The following APH1B variants were observed in gnomAD, a reference collection of about 807,000 sequenced individuals.
APH1B encodes gamma-secretase subunit APH-1B.
Under a neutral mutation model 28.2 loss-of-function variants are expected in APH1B, and 27 were observed. The observed-to-expected ratio is 0.96, with a 90% CI of 0.70 to 1.32. The LOEUF is 1.32. APH1B is among the 40% of genes most tolerant of loss of function. APH1B has a pLI of 0.00. For synonymous variants in APH1B, 141 were observed against 124.6 expected (o/e 1.13, Z -0.88); for missense variants, 305 against 313.6 (o/e 0.97, Z 0.21).
Position 63,302,335 on chromosome 15 carries a change from T to C in APH1B, c.479-10T>C. Reference sequence around the variant, plus strand: ...TGTAGGAGTGACACTAATGGTCGGCTCTCTTTCAGCTTTCATGACGCTGGT... The same window carrying C: ...TGTAGGAGTGACACTAATGGTCGGCCCTCTTTCAGCTTTCATGACGCTGGT... On this transcript the variant is annotated splice_polypyrimidine_tract_variant and intron_variant, in intron 4 of 5. Coordinates refer to ENST00000261879, the MANE Select transcript of APH1B (RefSeq NM_031301.4). 1 of 1,613,520 alleles carries C rather than the reference T, an allele frequency of 6.2e-7. No homozygotes were observed. The highest frequency in any genetic ancestry group is 8.5e-7 in the Non-Finnish European group (1 of 1,179,766).
At chr15:63,296,680 C>T (rs1209767230) in intron 4 of APH1B, among the ~76,000 whole-genome samples, 7 of 135,326 alleles carry the variant, frequency 5.2e-5, no homozygotes, top group East Asian at 2.2e-4. Context: ...TTTTTTGAGA[C>T]GGAGTCTTGC....
At chr15:63,290,887 C>G (rs763562989) in intron 4 of APH1B, among the ~76,000 whole-genome samples, 2 of 151,450 alleles carry the variant, frequency 1.3e-5, no homozygotes, top group African/African-American at 2.5e-5. Context: ...AGTGCCATAA[C>G]GAGTAGAGAT....
chr15:63,302,641 C>T (rs2038645015), intron 5 of APH1B, 169 bp downstream of exon 5: 4 of 893,322 alleles, frequency 4.5e-6, no homozygotes, highest in Non-Finnish European at 6.2e-6. Flanking sequence ...AAAAGACCAC[C>T]ACTATTAATT....
chr15:63,278,169 T>A, intron 1 of APH1B: 1 of 390,616 alleles, frequency 2.6e-6, no homozygotes, highest in Non-Finnish European at 5.0e-6. Context: ...CCAGGTGCTT[T>A]AAAACATGCC....
intron 5 of APH1B, among the ~76,000 whole-genome samples, chr15:63,303,874 A>ACAACACAC (rs374335586): frequency 1.7e-4 from 25 of 145,696 alleles, no homozygotes; most frequent in African/African-American, 3.6e-4. Context: ...ACACACACAC[A>ACAACACAC]ACACACACAC....
intron 4 of APH1B, among the ~76,000 whole-genome samples, chr15:63,299,340 A>G (rs1251188623): frequency 6.6e-6 from 1 of 152,228 alleles, no homozygotes; most frequent in African/African-American, 2.4e-5. Context: ...AACTCACAGT[A>G]ATGCTCTTTT....
intron 2 of APH1B, among the ~76,000 whole-genome samples, chr15:63,283,280 G>A (rs1457704722): frequency 6.6e-6 from 1 of 152,208 alleles, no homozygotes; most frequent in Non-Finnish European, 1.5e-5. Flanking sequence ...CCAGGCTAGA[G>A]TGCAGTGGCG....
chr15:63,288,963 G>C (rs958350678), intron 4 of APH1B, among the ~76,000 whole-genome samples: 6 of 152,176 alleles, frequency 3.9e-5, no homozygotes, highest in African/African-American at 1.4e-4. Flanking sequence ...GGTTTTGCCA[G>C]CTTTTTTCAC....
chr15:63,305,489 T>G, intron 5 of APH1B, 125 bp from the exon 6 acceptor site: 1 of 1,087,680 alleles, frequency 9.2e-7, no homozygotes, highest in Non-Finnish European at 1.3e-6. Flanking sequence ...ATGACACACA[T>G]CATACGTTTG....
At chr15:63,286,685 C>A in intron 3 of APH1B, 57 bp downstream of exon 3, 1 of 1,455,860 alleles carries the variant, frequency 6.9e-7, no homozygotes, top group South Asian at 1.2e-5. Flanking sequence ...GCATAAAAGT[C>A]ATTTGCATCT....
chr15:63,281,022 G>C (rs980597179), intron 2 of APH1B, among the ~76,000 whole-genome samples: 1 of 152,012 alleles, frequency 6.6e-6, no homozygotes, highest in Non-Finnish European at 1.5e-5. Context: ...AGTGGTCCCA[G>C]CTCCTCGGGA....
intron 4 of APH1B, chr15:63,291,628 G>A (rs543896101): frequency 6.6e-6 from 1 of 152,314 alleles, no homozygotes; most frequent in East Asian, 1.9e-4. Context: ...AAAATACTGA[G>A]CTTGAAGAAA....
intron 4 of APH1B, among the ~76,000 whole-genome samples, chr15:63,293,698 A>C (rs2038531212): frequency 6.6e-6 from 1 of 151,970 alleles, no homozygotes; most frequent in Non-Finnish European, 1.5e-5. Context: ...GGGCTTCGCT[A>C]TGTTGGTCAG....
intron 2 of APH1B, among the ~76,000 whole-genome samples, chr15:63,285,722 T>G (rs2038438442): frequency 6.6e-6 from 1 of 152,254 alleles, no homozygotes; most frequent in South Asian, 2.1e-4. Context: ...TCCTCCTGCC[T>G]TGGCCTCCCA....
At chr15:63,302,544 T>C in intron 5 of APH1B, 72 bp downstream of exon 5, 1 of 1,524,578 alleles carries the variant, frequency 6.6e-7, no homozygotes, top group South Asian at 1.3e-5. Context: ...TAAATTCTAC[T>C]CTAGATGAAA....
intron 4 of APH1B, among the ~76,000 whole-genome samples, 170 bp from the exon 5 acceptor site, chr15:63,302,175 C>T (rs562204064): frequency 4.6e-5 from 7 of 152,214 alleles, no homozygotes; most frequent in African/African-American, 1.4e-4. Context: ...CAGTCAGTCC[C>T]CTGTTCCGCA....
chr15:63,296,898 T>C (rs1364482024), intron 4 of APH1B, among the ~76,000 whole-genome samples: 5 of 152,120 alleles, frequency 3.3e-5, no homozygotes, highest in Non-Finnish European at 7.4e-5. Context: ...GACCTGGTGA[T>C]CTTCCTGCCT....
intron 2 of APH1B, among the ~76,000 whole-genome samples, chr15:63,285,172 A>G (rs1291108128): frequency 1.3e-5 from 2 of 152,188 alleles, no homozygotes; most frequent in African/African-American, 2.4e-5. Context: ...TCCCTTCACT[A>G]GGCTTATCCC....
chr15:63,301,021 A>G (rs2038621820), intron 4 of APH1B, among the ~76,000 whole-genome samples: 1 of 152,228 alleles, frequency 6.6e-6, no homozygotes, highest in South Asian at 2.1e-4. Context: ...CTCTAGAGCA[A>G]TGGCTCTGAA....
Sources: allele counts gnomAD v4.1 joint callset (sites outside exome capture counted in the v4.1 genomes callset), GRCh38; gene constraint gnomAD v4.1.1; transcripts MANE v1.5; gene names NCBI Gene and HGNC (gene_info 2026-07-23, HGNC 2026-07-21).